SNX30: variants seen among roughly 807,000 people sequenced by gnomAD.
SNX30 encodes sorting nexin family member 30, also known as sorting nexin-30.
SNX30 carries 24 observed loss-of-function variants against 46.4 expected under a neutral mutation model. The observed-to-expected ratio is 0.52, with a 90% CI of 0.37 to 0.73. The LOEUF is 0.73. Among genes scored for constraint, SNX30 ranks in the 30% least tolerant of loss-of-function variants. The pLI is 0.00. For missense variants in SNX30, 533 were observed against 555.7 expected (o/e 0.96, Z 0.41); for synonymous variants, 189 against 211.5 (o/e 0.89, Z 0.92).
chr9:112,838,899 T>C (rs543565677), intron 6 of SNX30, among the ~76,000 whole-genome samples: 1 of 152,214 alleles, frequency 6.6e-6, no homozygotes, highest in South Asian at 2.1e-4. Flanking sequence ...AAAAAAAAGT[T>C]TGGTAAGAAA....
intron 1 of SNX30, among the ~76,000 whole-genome samples, chr9:112,752,465 C>T (rs190777177): frequency 1.3e-5 from 2 of 152,078 alleles, no homozygotes; most frequent in Admixed American, 1.3e-4. Context: ...ACGCACACAG[C>T]ATGGTGGCAT....
At chr9:112,770,688 C>T (rs1469223429) in intron 1 of SNX30, among the ~76,000 whole-genome samples, 3 of 152,090 alleles carry the variant, frequency 2.0e-5, no homozygotes, top group Admixed American at 6.6e-5. Flanking sequence ...CTCCCCCAAC[C>T]TCCCTGTATA....
chr9:112,786,191 C>T (rs1839922355), intron 1 of SNX30, among the ~76,000 whole-genome samples: 1 of 151,466 alleles, frequency 6.6e-6, no homozygotes, highest in African/African-American at 2.4e-5. Flanking sequence ...CATCTTGGCT[C>T]ACCACAGCCT....
At chr9:112,865,773 ATG>A (rs1216221895) in intron 8 of SNX30, among the ~76,000 whole-genome samples, 4 of 139,172 alleles carry the variant, frequency 2.9e-5, no homozygotes, top group African/African-American at 2.8e-5. Flanking sequence ...GTATGTATGT[ATG>A]TATATATATA....
intron 4 of SNX30, among the ~76,000 whole-genome samples, chr9:112,831,195 A>C (rs1480270242): frequency 6.6e-6 from 1 of 152,006 alleles, no homozygotes. Flanking sequence ...TTCATGAGCA[A>C]ATGGTTCACT....
intron 1 of SNX30, among the ~76,000 whole-genome samples, chr9:112,804,526 T>C (rs1840193897): frequency 1.3e-5 from 2 of 152,198 alleles, no homozygotes; most frequent in Non-Finnish European, 1.5e-5. Flanking sequence ...TGCTTACTTA[T>C]ATTGGTTTCT....
At chr9:112,832,162 T>G (rs1840668999) in intron 4 of SNX30, among the ~76,000 whole-genome samples, 1 of 151,854 alleles carries the variant, frequency 6.6e-6, no homozygotes, top group Admixed American at 6.6e-5. Flanking sequence ...CATCTCTTTT[T>G]CCCAGAGGCT....
intron 1 of SNX30, among the ~76,000 whole-genome samples, chr9:112,786,695 G>A (rs1353403044): frequency 6.6e-6 from 1 of 151,534 alleles, no homozygotes; most frequent in African/African-American, 2.4e-5. Context: ...TTTGAGATGG[G>A]GTTCCACCAT....
intron 1 of SNX30, among the ~76,000 whole-genome samples, chr9:112,761,249 G>A (rs1321376097): frequency 2.0e-5 from 3 of 152,150 alleles, no homozygotes; most frequent in Admixed American, 6.5e-5. Flanking sequence ...TGCAACCTCC[G>A]TCTCCTGTGT....
At chr9:112,876,935 A>AG (rs1249920956), downstream of SNX30, among the ~76,000 whole-genome samples, 1 of 151,340 alleles carries the variant, frequency 6.6e-6, no homozygotes, top group African/African-American at 2.4e-5. Context: ...GACTGTCAAA[A>AG]AAAAAAAAAA....
intron 1 of SNX30, among the ~76,000 whole-genome samples, chr9:112,785,837 T>C (rs935348410): frequency 1.3e-5 from 2 of 152,088 alleles, no homozygotes; most frequent in African/African-American, 4.8e-5. Flanking sequence ...AATTTTTAGC[T>C]AAATTTTGTC....
intron 1 of SNX30, among the ~76,000 whole-genome samples, chr9:112,790,659 A>G (rs543062356): frequency 7.2e-5 from 11 of 152,322 alleles, no homozygotes; most frequent in African/African-American, 2.6e-4. Context: ...TAAGAAGAAT[A>G]TATGATCCTT....
chr9:112,793,791 T>G (rs888063157), intron 1 of SNX30, among the ~76,000 whole-genome samples: 4 of 146,464 alleles, frequency 2.7e-5, no homozygotes, highest in African/African-American at 9.9e-5. Context: ...TCTTTTTACC[T>G]CCACTGTTTT....
chr9:112,866,402 C>T, intron 8 of SNX30: 2 of 469,956 alleles, frequency 4.3e-6, no homozygotes, highest in Non-Finnish European at 8.8e-6. Flanking sequence ...CGCAAAGTCC[C>T]TGGGGCAGGA....
intron 4 of SNX30, among the ~76,000 whole-genome samples, chr9:112,833,099 A>G (rs956647631): frequency 3.9e-5 from 6 of 152,078 alleles, no homozygotes; most frequent in African/African-American, 1.4e-4. Context: ...TGTACAGTTC[A>G]GTAGTGTTAA....
At position 112,816,881 on chromosome 9, in the gene SNX30, A is replaced by T. The variant is rs571558443; in HGVS notation, c.349-824A>T. Among the ~76,000 whole-genome samples, 3 of 152,352 alleles carry T rather than the reference A, an allele frequency of 2.0e-5. No individual in the cohort carries two copies. In the East Asian group the frequency reaches 5.8e-4, roughly 29 times the overall value. On this transcript the variant is annotated intron_variant, in intron 2 of 8. Transcript: ENST00000374232. Reference sequence around the variant, plus strand: ...ACGGTGTAATTTGTGCCAGTAAATGAGTAAAAATCTTGTTTTGGTAAAAAT... The same window carrying T: ...ACGGTGTAATTTGTGCCAGTAAATGTGTAAAAATCTTGTTTTGGTAAAAAT...
chr9:112,821,341 C>A (rs79104614), intron 3 of SNX30, among the ~76,000 whole-genome samples: 1,796 of 152,058 alleles, frequency 0.012, 35 homozygotes, highest in African/African-American at 0.042. Flanking sequence ...AGATCCATTG[C>A]CCATTTAAAA....
intron 1 of SNX30, among the ~76,000 whole-genome samples, chr9:112,778,910 C>T (rs890832238): frequency 2.7e-5 from 4 of 150,786 alleles, no homozygotes; most frequent in Non-Finnish European, 5.9e-5. Flanking sequence ...GGGATTTGCA[C>T]AGCCCAGACT....
chr9:112,787,841 G>A (rs1047692541), intron 1 of SNX30, among the ~76,000 whole-genome samples: 4 of 151,730 alleles, frequency 2.6e-5, no homozygotes, highest in Non-Finnish European at 2.9e-5. Flanking sequence ...CTGTCGCCCA[G>A]GGTAGAGTAC....
Sources: allele counts gnomAD v4.1 joint callset (sites outside exome capture counted in the v4.1 genomes callset), GRCh38; gene constraint gnomAD v4.1.1; transcripts MANE v1.5; gene names NCBI Gene and HGNC (gene_info 2026-07-23, HGNC 2026-07-21).